KIAA1217: variants seen among roughly 807,000 people sequenced by gnomAD.
The protein encoded by KIAA1217 is sickle tail protein homolog.
In KIAA1217, 88 loss-of-function variants were observed where a neutral mutation model predicts 163.9. The ratio of observed to expected loss-of-function variants is 0.54; its 90% CI spans 0.45 to 0.64. The LOEUF is 0.64. KIAA1217 is among the 30% of genes least tolerant of loss of function. The probability of loss-of-function intolerance (pLI) is 0.00; values close to 1 mark genes in which losing one functional copy is unlikely to be tolerated. For synonymous variants in KIAA1217, 903 were observed against 923.1 expected (o/e 0.98, Z 0.39); for missense variants, 2,372 against 2,475.0 (o/e 0.96, Z 0.88).
At position 24,521,798 on chromosome 10, in the gene KIAA1217, A is replaced by C; in HGVS notation, c.2325A>C (p.Leu775Phe). 1 of 1,612,836 alleles carries C rather than the reference A, an allele frequency of 6.2e-7. No homozygotes were observed. Among genetic ancestry groups the C allele is most frequent in the Non-Finnish European group, 8.5e-7 (1 of 1,179,770 alleles). The change falls in exon 12 of 21, where the codon TTA becomes TTC. Residue 775 changes from leucine (L) to phenylalanine (F), a missense_variant. Around this residue, in one of 3 missense-constraint regions of KIAA1217, gnomAD observed 1,431 missense variants for 1,470.3 expected, o/e 0.97. Coordinates refer to ENST00000376454, the MANE Select transcript of KIAA1217 (RefSeq NM_019590.5). ...GGCCTGCAGGAGAATTTCCAACCTT[A>C]CAAAACAAGATGCGAGCCATCCTGC... ...VATLKGEFPT[L>F]QNKMRAILRI...
At chr10:24,073,189 G>A (rs150852780) in intron 2 of KIAA1217, among the ~76,000 whole-genome samples, 359 of 152,226 alleles carry the variant, frequency 2.4e-3, no homozygotes, top group African/African-American at 8.3e-3. Context: ...GGGAGCGAGC[G>A]CTGGGGCAGA....
intron 2 of KIAA1217, among the ~76,000 whole-genome samples, chr10:24,292,394 G>C (rs2079166730): frequency 6.6e-6 from 1 of 152,156 alleles, no homozygotes; most frequent in South Asian, 2.1e-4. Context: ...CCTCAGGCTG[G>C]CCACACAAAC....
At chr10:23,969,791 G>A (rs1415562) in intron 1 of KIAA1217, among the ~76,000 whole-genome samples, 54,437 of 152,056 alleles carry the variant, frequency 0.36, 14,551 homozygotes, top group African/African-American at 0.76. Flanking sequence ...TTCTGTTGAA[G>A]TTCAATTGTA....
Position 23,758,208 on chromosome 10 carries a change from G to GATTC in KIAA1217, c.-321+62978_-321+62981dup, listed in dbSNP as rs554314828. 7.9e-5 allele frequency among the ~76,000 whole-genome samples: 12 copies of GATTC among 152,208 alleles called. No individual in the cohort carries two copies. The South Asian group carries it at 1.5e-3, about 18-fold the overall frequency. ...TTATAGCTATTACATTTAGGTCTTT[G>GATTC]ATTCATTTTAAGTTAATTTTTGTAC... On this transcript the variant is annotated intron_variant, in intron 1 of 18. Coordinates refer to the KIAA1217 transcript ENST00000376462.
chr10:24,100,789 G>A (rs2062382811), intron 2 of KIAA1217, among the ~76,000 whole-genome samples: 2 of 151,970 alleles, frequency 1.3e-5, no homozygotes, highest in Non-Finnish European at 2.9e-5. Context: ...TAGGTATTTT[G>A]CTTTTCTATT....
intron 2 of KIAA1217, among the ~76,000 whole-genome samples, chr10:24,189,508 C>T (rs2066611415): frequency 6.6e-6 from 1 of 152,152 alleles, no homozygotes; most frequent in Non-Finnish European, 1.5e-5. Flanking sequence ...TTTACCCATG[C>T]AGAGGAGAAA....
chr10:23,852,526 A>G (rs954040911), intron 1 of KIAA1217, among the ~76,000 whole-genome samples: 1 of 152,148 alleles, frequency 6.6e-6, no homozygotes, highest in Admixed American at 6.6e-5. Context: ...ATGAACTATA[A>G]GTAGTTTTTT....
chr10:23,997,795 G>A (rs1314929292), intron 1 of KIAA1217, among the ~76,000 whole-genome samples: 1 of 152,066 alleles, frequency 6.6e-6, no homozygotes, highest in Non-Finnish European at 1.5e-5. Context: ...CTATCTCTGG[G>A]GCCCTGTTTC....
chr10:24,487,272 C>T (rs1296290316), intron 6 of KIAA1217, among the ~76,000 whole-genome samples: 1 of 152,196 alleles, frequency 6.6e-6, no homozygotes, highest in Non-Finnish European at 1.5e-5. Context: ...AGAGGAACCC[C>T]ACAGAATTCT....
chr10:24,154,178 C>T (rs1450099295), intron 2 of KIAA1217, among the ~76,000 whole-genome samples: 2 of 151,850 alleles, frequency 1.3e-5, no homozygotes, highest in East Asian at 2.0e-4. Context: ...GGGATGGTCT[C>T]GATCTCCTGA....
intron 1 of KIAA1217, among the ~76,000 whole-genome samples, chr10:23,826,788 T>C (rs781748288): frequency 1.3e-5 from 2 of 152,206 alleles, no homozygotes; most frequent in Non-Finnish European, 2.9e-5. Flanking sequence ...TCTCGGTTAC[T>C]ATTCTGTAAA....
intron 2 of KIAA1217, among the ~76,000 whole-genome samples, chr10:24,089,442 G>A (rs2061839839): frequency 2.4e-5 from 3 of 125,388 alleles, no homozygotes; most frequent in South Asian, 5.3e-4. Context: ...TAACATTTAA[G>A]TCTTTAATCC....
chr10:23,842,250 T>C (rs1838823203), intron 1 of KIAA1217, among the ~76,000 whole-genome samples: 1 of 152,164 alleles, frequency 6.6e-6, no homozygotes, highest in African/African-American at 2.4e-5. Flanking sequence ...ATCTACAAGA[T>C]AGGGGAATAA....
In KIAA1217 at chr10:23,863,031, CATT is replaced by C. The variant is rs554778928; in HGVS notation, c.-320-144192_-320-144190del. Among the ~76,000 whole-genome samples the C allele has an allele frequency of 9.2e-5, 14 of 152,258 alleles. No homozygotes were observed. The East Asian group carries it at 2.7e-3, about 29-fold the overall frequency. The stretch of plus-strand genomic sequence containing the variant: ...TCTTAGCGACCCTTAATACCTTTGA[CATT>C]AGCTTCCATTCTGAAATTTTCTTCA... On this transcript the variant is annotated intron_variant, in intron 1 of 18. Coordinates refer to the KIAA1217 transcript ENST00000376462.
chr10:24,439,091 A>G (rs529472751), intron 5 of KIAA1217, among the ~76,000 whole-genome samples: 1 of 152,220 alleles, frequency 6.6e-6, no homozygotes, highest in Non-Finnish European at 1.5e-5. Flanking sequence ...AGATTATCCA[A>G]ACATTCAAAG....
In KIAA1217 at chr10:23,928,346, G is replaced by A. The variant is rs545026315; in HGVS notation, c.-320-78879G>A. Among the ~76,000 whole-genome samples, 6 of 152,304 alleles carry A rather than the reference G, an allele frequency of 3.9e-5. No individual in the cohort carries two copies. In the South Asian group the frequency reaches 6.2e-4, roughly 16 times the overall value. ...GCTTTTCAAACAGTTACCTGAGAAA[G>A]CAGCTTCCCAGAATTTGCGGTGAAT... On this transcript the variant is annotated intron_variant, in intron 1 of 18. Transcript: ENST00000376462.
At position 24,542,984 on chromosome 10, in the gene KIAA1217, G is replaced by C. The variant is rs1164880232; in HGVS notation, c.3714G>C (p.Glu1238Asp). The change falls in exon 19 of 21, where the codon GAG becomes GAC. Residue 1238 changes from glutamate (E) to aspartate (D), a missense_variant. Glu to Asp is a conservative substitution (Grantham distance 45). Around this residue, in one of 3 missense-constraint regions of KIAA1217, gnomAD observed 251 missense variants for 327.3 expected, o/e 0.77. Coordinates refer to ENST00000376454, the MANE Select transcript of KIAA1217 (RefSeq NM_019590.5). The stretch of plus-strand genomic sequence containing the variant: ...CAAGAACATCAGAATATAAAACTGA[G>C]ATCATAATGAAGGAAAATTCCATAT... Reference protein sequence around the residue: ...DASRTSEYKTEIIMKENSISN... With the variant: ...DASRTSEYKTDIIMKENSISN... 6.2e-7 allele frequency: 1 copy of C among 1,613,654 alleles called. No homozygotes were observed. Among genetic ancestry groups the C allele is most frequent in the Admixed American group, 1.7e-5 (1 of 60,010 alleles).
intron 3 of KIAA1217, among the ~76,000 whole-genome samples, chr10:24,422,941 A>G (rs1447416454): frequency 8.3e-6 from 1 of 120,464 alleles, no homozygotes; most frequent in Non-Finnish European, 1.7e-5. Flanking sequence ...GTCTCGCTCT[A>G]TTGCCCAGGC....
rs371041398 is a variant in KIAA1217 at position 24,280,682 on chromosome 10, C to T, written c.354+60773C>T. 7.0e-4 allele frequency among the ~76,000 whole-genome samples: 107 copies of T among 151,984 alleles called. 2 individuals carry two copies. The highest frequency in any genetic ancestry group is 2.5e-3 in the African/African-American group (103 of 41,442). On this transcript the variant is annotated intron_variant, in intron 2 of 20. Transcript: ENST00000376454. ...AAAATTAGCCAAGCATGGTCACAGG[C>T]GCCTGTAGTCCCAGCTACTCAGGAG...
Sources: allele counts gnomAD v4.1 joint callset (sites outside exome capture counted in the v4.1 genomes callset), GRCh38; gene constraint gnomAD v4.1.1; regional missense constraint gnomAD v4.1.1; transcripts MANE v1.5; gene names NCBI Gene and HGNC (gene_info 2026-07-23, HGNC 2026-07-21).